Variants in SIGLEC8 observed in about 807,000 individuals in gnomAD.
SIGLEC8 encodes sialic acid-binding Ig-like lectin 8.
A neutral mutation model predicts 42.1 loss-of-function variants in SIGLEC8; 32 were observed. That is an observed-to-expected ratio of 0.76 (90% CI 0.57 to 1.02). The LOEUF (loss-of-function observed/expected upper bound fraction) is 1.02. SIGLEC8 is among the 50% of genes least tolerant of loss of function. The probability of loss-of-function intolerance (pLI) is 0.00; values close to 1 mark genes in which losing one functional copy is unlikely to be tolerated. For synonymous variants in SIGLEC8, 262 were observed against 260.3 expected (o/e 1.01, Z -0.06); for missense variants, 611 against 610.2 (o/e 1.00, Z -0.01).
intron 2 of SIGLEC8, 21 bp downstream of exon 2, chr19:51,457,440 G>A (rs532086936): frequency 6.2e-7 from 1 of 1,612,944 alleles, no homozygotes; most frequent in Non-Finnish European, 8.5e-7. Flanking sequence ...AGGGACCTGG[G>A]CATCTTGGTC....
intron 6 of SIGLEC8, chr19:51,453,897 C>T (rs1245416018): frequency 1.0e-6 from 1 of 984,894 alleles, no homozygotes; most frequent in Admixed American, 6.2e-5. Flanking sequence ...TGAGAGGGGT[C>T]AGGATGGCTG....
intron 6 of SIGLEC8, chr19:51,453,796 C>T: frequency 1.0e-6 from 1 of 985,238 alleles, no homozygotes; most frequent in Non-Finnish European, 1.2e-6. Context: ...TTAATTGAGA[C>T]ATGATACCTG....
rs539096461 is a variant in SIGLEC8, at chr19:51,454,899, A to T, written c.1052-119T>A. 2.8e-6 allele frequency: 2 copies of T among 704,100 alleles called. No homozygotes were observed. The highest frequency in any genetic ancestry group is 1.7e-5 in the South Asian group (1 of 59,570). The allele number at this position is 704,100 out of a possible 1,614,324, so 43.6% of individuals were successfully genotyped here. On this transcript the variant is annotated intron_variant, in intron 4 of 6. Transcript: ENST00000321424. The surrounding 1 kb of genome is among the most constrained non-coding windows in gnomAD (Gnocchi z 4.7). ...CCCTCTTCTCCTTCCCAGACACAGA[A>T]TACGAATGGGAGGGAGGAAAGGAGA...
In SIGLEC8 at chr19:51,458,423, G is replaced by A. The variant is rs777343194; in HGVS notation, c.-36C>T. 10 of 1,590,676 alleles carry A rather than the reference G, an allele frequency of 6.3e-6. No individual in the cohort carries two copies. Among genetic ancestry groups the A allele is most frequent in the Non-Finnish European group, 7.7e-6 (9 of 1,167,194 alleles). ...GAAGGCGCCAGGGCCGCCAGGGAAC[G>A]TCTGTTCCTCAGGGTTCTTCTCTCA... On this transcript the variant is annotated 5_prime_UTR_variant, in exon 1 of 7. The change creates a new upstream start codon in the 5' untranslated region. Coordinates refer to ENST00000321424, the MANE Select transcript of SIGLEC8 (RefSeq NM_014442.3).
Position 51,454,584 on chromosome 19 carries a change from C to G in SIGLEC8, c.1148+100G>C. Reference sequence around the variant, plus strand: ...CCGTGAGCTCATTCTTGCCCCAAGCCCTGGACCCATCCAGGTCCTTCCAGC... The same window carrying G: ...CCGTGAGCTCATTCTTGCCCCAAGCGCTGGACCCATCCAGGTCCTTCCAGC... On this transcript the variant is annotated intron_variant, in intron 5 of 6. Transcript: ENST00000321424. This position sits in a 1 kb window ranked among gnomAD's most constrained non-coding sequence, Gnocchi z 4.7. 8.6e-7 allele frequency: 1 copy of G among 1,166,054 alleles called. No individual in the cohort carries two copies. The highest frequency in any genetic ancestry group is 1.3e-6 in the Non-Finnish European group (1 of 784,302). The allele number at this position is 1,166,054 out of a possible 1,614,324, so 72.2% of individuals were successfully genotyped here. A position where few individuals can be genotyped will look rare whatever the true frequency, so the allele number is the denominator to read the frequency against.
chr19:51,457,541 T>C lies in SIGLEC8; in HGVS notation c.653A>G (p.His218Arg). Residue 218 changes from histidine (H) to arginine (R), a missense_variant, in exon 2 of 7, where the codon CAC becomes CGC. Coordinates refer to ENST00000321424, the MANE Select transcript of SIGLEC8 (RefSeq NM_014442.3). ...CACCTGACAGGTGAGGCTGGTGCCG[T>C]GGTCCTGGGGCTTTGGGGTAAGGGT... The part of the protein sequence containing the change: ...VLTLTPKPQD[H>R]GTSLTCQVTL... The C allele has an allele frequency of 6.2e-7, 1 of 1,613,970 alleles. No individual in the cohort carries two copies.
intron 3 of SIGLEC8, among the ~76,000 whole-genome samples, chr19:51,456,002 A>C (rs1170804236): frequency 6.7e-6 from 1 of 149,480 alleles, no homozygotes; most frequent in Non-Finnish European, 1.5e-5. Flanking sequence ...GCATGTTCTC[A>C]CTCATAAGTG....
In SIGLEC8 at chr19:51,454,909, G is replaced by A. The variant is rs948679346; in HGVS notation, c.1052-129C>T. On this transcript the variant is annotated intron_variant, in intron 4 of 6. Coordinates refer to ENST00000321424, the MANE Select transcript of SIGLEC8 (RefSeq NM_014442.3). The surrounding 1 kb of genome is among the most constrained non-coding windows in gnomAD (Gnocchi z 4.7). ...CTTCCCAGACACAGAATACGAATGG[G>A]AGGGAGGAAAGGAGACTACTTCTGA... 3.0e-6 allele frequency: 2 copies of A among 675,440 alleles called. No individual in the cohort carries two copies. Among genetic ancestry groups the A allele is most frequent in the East Asian group, 5.5e-5 (2 of 36,136 alleles). 41.8% of individuals were successfully genotyped at this position (675,440 alleles called of 1,614,324 possible).
chr19:51,456,168 T>G (rs1175208600), intron 3 of SIGLEC8, among the ~76,000 whole-genome samples: 2 of 151,878 alleles, frequency 1.3e-5, no homozygotes, highest in Non-Finnish European at 2.9e-5. Flanking sequence ...TGTATACATA[T>G]GTAACAAACC....
In SIGLEC8 at chr19:51,457,730, T is replaced by G; in HGVS notation, c.464A>C (p.His155Pro). Residue 155 changes from histidine (H) to proline (P), a missense_variant, in exon 2 of 7, where the codon CAT (histidine) becomes CCT (proline). Transcript: ENST00000321424. ...CCCTAGGATGAGGATGTCAGGCCTA[T>G]GGGTCAGGGCTGGTGAAGATGGGGA... The part of the protein sequence containing the change: ...QLSVFVTALT[H>P]RPDILILGTL... 6.3e-7 allele frequency: 1 copy of G among 1,582,382 alleles called. No homozygotes were observed. Among genetic ancestry groups the G allele is most frequent in the East Asian group, 2.2e-5 (1 of 44,832 alleles).
chr19:51,457,722 C>T lies in SIGLEC8; in HGVS notation c.472G>A (p.Asp158Asn). The T allele has an allele frequency of 1.3e-6, 2 of 1,587,314 alleles. No homozygotes were observed. The highest frequency in any genetic ancestry group is 1.7e-6 in the Non-Finnish European group (2 of 1,168,260). ...VFVTALTHRP[D>N]ILILGTLESG... ...TCTAGGGTCCCTAGGATGAGGATGT[C>T]AGGCCTATGGGTCAGGGCTGGTGAA... The change falls in exon 2 of 7, where the codon GAC (aspartate) becomes AAC (asparagine). Residue 158 changes from aspartate to asparagine, a missense_variant. Physicochemically the swap from Asp to Asn is conservative, Grantham distance 23. Transcript: ENST00000321424.
Position 51,452,634 on chromosome 19 carries a change from CT to C in SIGLEC8, c.1246-2del. On this transcript the variant is annotated splice_acceptor_variant, in intron 6 of 6. Transcript: ENST00000321424. LOFTEE classifies it high-confidence loss of function. ...CTTTCCAGGATTCAGTCAGGGGTCC[CT>C]GGACAGAGAGAGAGAAGGGAGTCAG... The C allele has an allele frequency of 6.6e-7, 1 of 1,517,636 alleles. No homozygotes were observed. Among genetic ancestry groups the C allele is most frequent in the Non-Finnish European group, 8.9e-7 (1 of 1,129,160 alleles). 94.0% of individuals were successfully genotyped at this position (1,517,636 alleles called of 1,614,324 possible). A position where few individuals can be genotyped will look rare whatever the true frequency, so the allele number is the denominator to read the frequency against.
chr19:51,455,610 T>C lies in SIGLEC8; in HGVS notation c.859A>G (p.Ser287Gly). Residue 287 changes from serine (S) to glycine (G), a missense_variant, in exon 4 of 7, where the codon AGC becomes GGC. Coordinates refer to ENST00000321424, the MANE Select transcript of SIGLEC8 (RefSeq NM_014442.3). Reference protein sequence around the residue: ...QSLRLVCAVNSNPPARLSWTR... With the variant: ...QSLRLVCAVNGNPPARLSWTR... ...CAGCTCAGCCTGGCAGGGGGATTGC[T>C]GTTGACAGCACAGACCAGGCGCAGA... 1 of 1,614,056 alleles carries C rather than the reference T, an allele frequency of 6.2e-7. No individual in the cohort carries two copies. The highest frequency in any genetic ancestry group is 2.2e-5 in the East Asian group (1 of 44,868).
intron 3 of SIGLEC8, among the ~76,000 whole-genome samples, chr19:51,456,293 A>AGAGACTAGT (rs1989491873): frequency 6.6e-6 from 1 of 152,238 alleles, no homozygotes. Context: ...GGACACAGAA[A>AGAGACTAGT]GAGACTAGTG....
Position 51,455,498 on chromosome 19 carries a change from C to T in SIGLEC8, c.971G>A (p.Gly324Glu), listed in dbSNP as rs1346684373. 1.9e-6 allele frequency: 3 copies of T among 1,614,158 alleles called. No homozygotes were observed. Among genetic ancestry groups the T allele is most frequent in the South Asian group, 2.2e-5 (2 of 91,072 alleles). ...GTTCTGAGCTCGGCAGGTGAATTCC[C>T]CTTCATCCCTCACGTGCACTCGAGG... ...ELPRVHVRDE[G>E]EFTCRAQNAQ... Residue 324 changes from glycine (G) to glutamate (E), a missense_variant, in exon 4 of 7, where the codon GGG becomes GAG. By Grantham distance (98) the Gly-to-Glu change is moderately conservative (BLOSUM62 -2). Coordinates refer to ENST00000321424, the MANE Select transcript of SIGLEC8 (RefSeq NM_014442.3).
Position 51,454,081 on chromosome 19 carries a change from C to A in SIGLEC8, c.1245+138G>T. 6.8e-7 allele frequency: 1 copy of A among 1,471,216 alleles called. No homozygotes were observed. Among genetic ancestry groups the A allele is most frequent in the Non-Finnish European group, 9.0e-7 (1 of 1,113,062 alleles). 91.1% of individuals were successfully genotyped at this position (1,471,216 alleles called of 1,614,324 possible). On this transcript the variant is annotated intron_variant, in intron 6 of 6. Coordinates refer to ENST00000321424, the MANE Select transcript of SIGLEC8 (RefSeq NM_014442.3). The surrounding 1 kb of genome is among the most constrained non-coding windows in gnomAD (Gnocchi z 4.7). ...CATGCTGTCAGCAAGATGGGGGAGT[C>A]CTGTAGAAGCCGGCCTGTGGGAAGG...
Position 51,454,921 on chromosome 19 carries a change from G to A in SIGLEC8, c.1052-141C>T, listed in dbSNP as rs138458636. On this transcript the variant is annotated intron_variant, in intron 4 of 6. Coordinates refer to ENST00000321424, the MANE Select transcript of SIGLEC8 (RefSeq NM_014442.3). This position sits in a 1 kb window ranked among gnomAD's most constrained non-coding sequence, Gnocchi z 4.7. ...AGAATACGAATGGGAGGGAGGAAAG[G>A]AGACTACTTCTGAGGCCAGTGAGGC... is the stretch of plus-strand genomic sequence containing the variant. The A allele has an allele frequency of 5.9e-4, 379 of 642,678 alleles. 4 individuals are homozygous for A. The East Asian group carries it at 0.011, about 18-fold the overall frequency. The allele number at this position is 642,678 out of a possible 1,614,324, so 39.8% of individuals were successfully genotyped here.
chr19:51,458,097 T>G lies in SIGLEC8; in HGVS notation c.291A>C (p.Gln97His). ...EVQAETQGRF[Q>H]LLGDIWSNDC... ...CGTTGCTCCAAATGTCCCCAAGGAG[T>G]TGGAATCGGCCCTGGGTCTCTGCCT... The change falls in exon 1 of 7, where the codon CAA becomes CAC. Residue 97 changes from glutamine (Q) to histidine (H), a missense_variant. Transcript: ENST00000321424. The G allele has an allele frequency of 6.2e-7, 1 of 1,613,990 alleles. No individual in the cohort carries two copies. Among genetic ancestry groups the G allele is most frequent in the East Asian group, 2.2e-5 (1 of 44,870 alleles).
chr19:51,457,401 C>G (rs1303560186), intron 2 of SIGLEC8, 60 bp downstream of exon 2: 1 of 1,595,510 alleles, frequency 6.3e-7, no homozygotes, highest in East Asian at 2.2e-5. Context: ...ACCCCATCCC[C>G]TGCCCTCAGG....
Sources: gnomAD v4.1 joint callset for allele counts (sites outside exome capture counted in the v4.1 genomes callset) on GRCh38, gnomAD v4.1.1 for gene constraint, Gnocchi (gnomAD v3.1) non-coding constraint, MANE v1.5 for transcripts, NCBI Gene and HGNC (gene_info 2026-07-23, HGNC 2026-07-21) for gene names.